ABR: variants seen among roughly 807,000 people sequenced by gnomAD.
ABR encodes the protein active breakpoint cluster region-related protein.
Under a neutral mutation model 107.2 loss-of-function variants are expected in ABR, and 35 were observed. The ratio of observed to expected loss-of-function variants is 0.33; its 90% confidence interval spans 0.25 to 0.43. The LOEUF is 0.43. Ranked by LOEUF, ABR falls within the 20% of genes least tolerant of loss-of-function variation. The pLI, the probability that ABR is intolerant of heterozygous loss-of-function variation, is 1.00. For missense variants in ABR, 815 were observed against 1,115.2 expected, an observed-to-expected ratio of 0.73 and a Z score of 3.83; for synonymous variants, 498 against 462.0, an observed-to-expected ratio of 1.08 and a Z score of -1.00.
intron 2 of ABR, among the ~76,000 whole-genome samples, chr17:1,114,722 G>A (rs1320711418): frequency 3.3e-5 from 5 of 152,012 alleles, no homozygotes; most frequent in South Asian, 2.1e-4. Flanking sequence ...GCAGTGAGCC[G>A]AGATCGCGCC....
In ABR at chr17:1,084,919, C is replaced by T. The variant is rs1045227013; in HGVS notation, c.532-1292G>A. Among the ~76,000 whole-genome samples the T allele has an allele frequency of 6.6e-6, 1 of 152,164 alleles. No homozygotes were observed. The highest frequency in any genetic ancestry group is 1.5e-5 in the Non-Finnish European group (1 of 68,040). On this transcript the variant is annotated intron_variant, in intron 4 of 22. Coordinates refer to ENST00000302538, the MANE Select transcript of ABR (RefSeq NM_021962.5). This position sits in a 1 kb window ranked among gnomAD's most constrained non-coding sequence, Gnocchi z 4.2. ...CCGGATTCAAGGGATTCTCCTGCCT[C>T]AGCCTCCCGAGTAGCTGGCGTTACA...
At chr17:1,229,638 G>A (rs2043299495) in exon 1 of ABR, among the ~76,000 whole-genome samples, 1 of 152,022 alleles carries the variant, frequency 6.6e-6, no homozygotes, top group Non-Finnish European at 1.5e-5. Flanking sequence ...CATGCCCCGA[G>A]CTCCGTCCGC....
At chr17:1,031,526 CCCCCGCAGCCCCCCGAG>C (rs1053061789) in intron 16 of ABR, 7 of 302,540 alleles carry the variant, frequency 2.3e-5, no homozygotes, top group East Asian at 5.7e-5. Flanking sequence ...GCCCCCGCAG[CCCCCGCAGCCCCCCGAG>C]CCCCGCAGCG....
At chr17:1,077,999 G>A (rs3786066) in intron 6 of ABR, among the ~76,000 whole-genome samples, 79,424 of 151,794 alleles carry the variant, frequency 0.52, 21,077 homozygotes, top group Middle Eastern at 0.63. Context: ...TCCTACGACC[G>A]ACAGTCGTGT....
chr17:1,226,744 A>C (rs1396990857), intron 1 of ABR, among the ~76,000 whole-genome samples: 1 of 119,070 alleles, frequency 8.4e-6, no homozygotes, highest in African/African-American at 3.7e-5. Flanking sequence ...ACGTATATAC[A>C]TGTGCTGCTG....
At chr17:1,062,427 C>G (rs2034096663) in intron 10 of ABR, among the ~76,000 whole-genome samples, 1 of 139,446 alleles carries the variant, frequency 7.2e-6, no homozygotes. Context: ...GAACTGAGGG[C>G]TATGCATGTT....
At chr17:1,088,711 GAGT>G (rs2036799867) in intron 4 of ABR, among the ~76,000 whole-genome samples, 1 of 151,364 alleles carries the variant, frequency 6.6e-6, no homozygotes. Flanking sequence ...TCAGCCTCCC[GAGT>G]AGTAGCTGGG....
chr17:1,138,514 G>A (rs2040169455), intron 1 of ABR, among the ~76,000 whole-genome samples: 1 of 151,980 alleles, frequency 6.6e-6, no homozygotes, highest in Admixed American at 6.6e-5. Context: ...GTCTCGCTCT[G>A]TTGCCCAGGC....
chr17:1,013,811 C>T (rs1289289078), intron 16 of ABR, among the ~76,000 whole-genome samples: 1 of 152,210 alleles, frequency 6.6e-6, no homozygotes, highest in Non-Finnish European at 1.5e-5. Context: ...CAGGGGAAGT[C>T]CCCAGGCTCG....
chr17:1,169,624 G>A (rs2041633929), intron 1 of ABR, among the ~76,000 whole-genome samples: 2 of 152,136 alleles, frequency 1.3e-5, no homozygotes, highest in African/African-American at 4.8e-5. Context: ...GAGGGCCGTC[G>A]TGGGTGTGAG....
chr17:1,042,290 T>A (rs2921135), intron 16 of ABR, among the ~76,000 whole-genome samples: 3 of 149,770 alleles, frequency 2.0e-5, no homozygotes, highest in African/African-American at 7.4e-5. Flanking sequence ...CATCCGCGGA[T>A]GGATGGATAA....
intron 16 of ABR, among the ~76,000 whole-genome samples, chr17:1,025,812 G>C (rs1462103152): frequency 6.6e-6 from 1 of 152,134 alleles, no homozygotes; most frequent in Non-Finnish European, 1.5e-5. Flanking sequence ...TCCTCCTGCA[G>C]ACAGGGTCTC....
At chr17:1,081,336 A>G (rs1310451892) in intron 5 of ABR, among the ~76,000 whole-genome samples, 1 of 152,158 alleles carries the variant, frequency 6.6e-6, no homozygotes, top group Non-Finnish European at 1.5e-5. Context: ...CGGCCTCCCA[A>G]AGTGCTGGGA....
At chr17:1,228,557 G>C (rs891320477) in intron 1 of ABR, among the ~76,000 whole-genome samples, 1 of 152,156 alleles carries the variant, frequency 6.6e-6, no homozygotes, top group Admixed American at 6.5e-5. Flanking sequence ...CGGCCCTGCC[G>C]CCGCCGCCAG....
intron 13 of ABR, among the ~76,000 whole-genome samples, chr17:1,056,375 C>T (rs2033276817): frequency 6.6e-6 from 1 of 152,182 alleles, no homozygotes; most frequent in Non-Finnish European, 1.5e-5. Context: ...GACTTAGTAC[C>T]ATTCCCCATG....
At chr17:1,099,462 G>C (rs913526606) in intron 3 of ABR, among the ~76,000 whole-genome samples, 10 of 152,156 alleles carry the variant, frequency 6.6e-5, no homozygotes, top group Non-Finnish European at 1.5e-4. Context: ...GTTGACGTGT[G>C]ACAACACCTC....
At chr17:1,030,668 G>T (rs2072654353) in intron 16 of ABR, among the ~76,000 whole-genome samples, 1 of 152,244 alleles carries the variant, frequency 6.6e-6, no homozygotes, top group Middle Eastern at 3.2e-3. Context: ...CTTCGTCCTG[G>T]CTGATGCCAG....
At chr17:1,108,893 GC>G in intron 2 of ABR, 1 of 1,545,608 alleles carries the variant, frequency 6.5e-7, no homozygotes, top group South Asian at 1.2e-5. Context: ...GGCAGCGCCG[GC>G]CCGGCCCCCC....
chr17:1,028,023 T>A (rs966655612), intron 16 of ABR, among the ~76,000 whole-genome samples: 2 of 151,566 alleles, frequency 1.3e-5, no homozygotes, highest in South Asian at 4.2e-4. Context: ...CAAGAAGGAA[T>A]AAACGACAGG....
Sources: allele counts gnomAD v4.1 joint callset (sites outside exome capture counted in the v4.1 genomes callset), GRCh38; gene constraint gnomAD v4.1.1; non-coding constraint Gnocchi (gnomAD v3.1); transcripts MANE v1.5; gene names NCBI Gene and HGNC (gene_info 2026-07-23, HGNC 2026-07-21).